Variants in ZZEF1 observed in about 807,000 individuals in gnomAD.
ZZEF1 encodes zinc finger ZZ-type and EF-hand domain-containing protein 1.
Under a neutral mutation model 342.8 loss-of-function variants are expected in ZZEF1, and 157 were observed. The ratio of observed to expected loss-of-function variants is 0.46; its 90% CI spans 0.40 to 0.52. ZZEF1 has a LOEUF of 0.52. Among genes scored for constraint, ZZEF1 ranks in the 20% least tolerant of loss-of-function variants. The pLI is 0.00. For missense variants in ZZEF1, 3,480 were observed against 3,725.6 expected, an observed-to-expected ratio of 0.93 and a Z score of 1.72; for synonymous variants, 1,505 against 1,429.1, an observed-to-expected ratio of 1.05 and a Z score of -1.20.
chr17:4,121,115 T>C (rs1416725976), intron 2 of ZZEF1, among the ~76,000 whole-genome samples: 1 of 152,230 alleles, frequency 6.6e-6, no homozygotes, highest in Non-Finnish European at 1.5e-5. Context: ...CCTTGAGATT[T>C]GGACCCTGAT....
At chr17:4,139,643 G>A (rs2058810117) in intron 1 of ZZEF1, among the ~76,000 whole-genome samples, 1 of 152,150 alleles carries the variant, frequency 6.6e-6, no homozygotes, top group Admixed American at 6.5e-5. Context: ...TATCTTCTTT[G>A]GCTAGTCCTA....
At chr17:4,094,282 C>T (rs565862360) in intron 11 of ZZEF1, among the ~76,000 whole-genome samples, 3 of 152,092 alleles carry the variant, frequency 2.0e-5, no homozygotes, top group Non-Finnish European at 4.4e-5. Flanking sequence ...GCTGGGACTA[C>T]AGGCGCGTGA....
At chr17:4,062,696 G>C in intron 30 of ZZEF1, 57 bp downstream of exon 30, 1 of 1,487,640 alleles carries the variant, frequency 6.7e-7, no homozygotes, top group Non-Finnish European at 9.0e-7. Context: ...AAGATAATCA[G>C]GATTTATTTA....
chr17:4,136,783 C>A (rs144469367), intron 1 of ZZEF1, among the ~76,000 whole-genome samples: 1 of 152,152 alleles, frequency 6.6e-6, no homozygotes, highest in South Asian at 2.1e-4. Context: ...ATTCCCAAAA[C>A]GTGCCATGCC....
intron 31 of ZZEF1, 140 bp downstream of exon 31, chr17:4,059,031 C>T: frequency 3.2e-6 from 2 of 631,112 alleles, no homozygotes; most frequent in Non-Finnish European, 5.0e-6. Context: ...TAGTGATTAG[C>T]TCTCTAGGTG....
chr17:4,130,370 T>C (rs538488992), intron 1 of ZZEF1, among the ~76,000 whole-genome samples: 2 of 152,198 alleles, frequency 1.3e-5, no homozygotes, highest in Non-Finnish European at 2.9e-5. Context: ...GGAGAATCGC[T>C]TGAACCCAGG....
intron 1 of ZZEF1, among the ~76,000 whole-genome samples, chr17:4,132,899 G>A (rs1427427504): frequency 1.3e-5 from 2 of 152,168 alleles, no homozygotes; most frequent in African/African-American, 4.8e-5. Flanking sequence ...CTGGGAGGTG[G>A]AGCTTGCAGT....
intron 1 of ZZEF1, among the ~76,000 whole-genome samples, chr17:4,140,910 CT>C (rs34876417): frequency 0.5 from 70,777 of 141,516 alleles, 19,244 homozygotes; most frequent in East Asian, 0.74. Context: ...ACTAATATGA[CT>C]TTTTTTTTTT....
intron 53 of ZZEF1, chr17:4,009,270 G>A (rs566194931): frequency 1.8e-6 from 1 of 562,236 alleles, no homozygotes; most frequent in East Asian, 3.0e-5. Flanking sequence ...CATTCAATCA[G>A]TCTATTGTGC....
chr17:4,025,372 G>A (rs1488207904), intron 42 of ZZEF1, among the ~76,000 whole-genome samples: 3 of 152,148 alleles, frequency 2.0e-5, no homozygotes, highest in Non-Finnish European at 4.4e-5. Context: ...CTCCACAGGT[G>A]TTAACAAAAG....
intron 52 of ZZEF1, among the ~76,000 whole-genome samples, chr17:4,011,039 G>A (rs899670412): frequency 2.0e-5 from 3 of 151,724 alleles, no homozygotes; most frequent in Admixed American, 6.6e-5. Flanking sequence ...CAGTGGCTAT[G>A]ATGGTGCCAC....
In ZZEF1 at chr17:4,142,946, C is replaced by T. The variant is rs931821432; in HGVS notation, c.-51G>A. 3.1e-6 allele frequency: 4 copies of T among 1,301,498 alleles called. No homozygotes were observed. Among genetic ancestry groups the T allele is most frequent in the South Asian group, 2.3e-5 (1 of 42,602 alleles). The allele number at this position is 1,301,498 out of a possible 1,614,324, so 80.6% of individuals were successfully genotyped here. A position where few individuals can be genotyped will look rare whatever the true frequency, so the allele number is the denominator to read the frequency against. On this transcript the variant is annotated 5_prime_UTR_variant, in exon 1 of 55. Coordinates refer to ENST00000381638, the MANE Select transcript of ZZEF1 (RefSeq NM_015113.4). ...TCTGCAGCCGCCGCCGCCGCCTCCC[C>T]GCCTCGACCTGTCAACCTCCGACAG...
At position 4,017,491 on chromosome 17, in the gene ZZEF1, G is replaced by A. The variant is rs764207571; in HGVS notation, c.7881C>T (p.Leu2627=). ...LYARHVLASL[L]AEWPSHVPVS... is the part of the protein sequence containing the mutation. ...CTGGCACGTGGCTAGGCCACTCGGC[G>A]AGCAGGGATGCAAGCACGTGGCGGG... Residue 2627 remains leucine (L), a synonymous_variant, in exon 48 of 55, where the codon CTC becomes CTT. Transcript: ENST00000381638. This position sits in a 1 kb window ranked among gnomAD's most constrained non-coding sequence, Gnocchi z 5.1. 1.2e-5 allele frequency: 19 copies of A among 1,614,140 alleles called. No individual in the cohort carries two copies. The highest frequency in any genetic ancestry group is 1.6e-4 in the Middle Eastern group (1 of 6,084).
chr17:4,027,995 T>C (rs1429421773), intron 42 of ZZEF1, among the ~76,000 whole-genome samples: 2 of 152,180 alleles, frequency 1.3e-5, no homozygotes, highest in Non-Finnish European at 2.9e-5. Flanking sequence ...ATTTCCACTA[T>C]TGGCTCTTTA....
Position 4,014,738 on chromosome 17 carries a change from G to C in ZZEF1, c.8146-223C>G, listed in dbSNP as rs560599650. Reference sequence around the variant, plus strand: ...GGGGCAGGCAACACGGGGCCCCAGAGAAAGAGTGTCAGGCTGCTGTGAAGA... The same window carrying C: ...GGGGCAGGCAACACGGGGCCCCAGACAAAGAGTGTCAGGCTGCTGTGAAGA... On this transcript the variant is annotated intron_variant, in intron 49 of 54. Transcript: ENST00000381638. The surrounding 1 kb of genome is among the most constrained non-coding windows in gnomAD (Gnocchi z 4.4). 5.9e-5 allele frequency among the ~76,000 whole-genome samples: 9 copies of C among 152,344 alleles called. No homozygotes were observed. In the East Asian group the frequency reaches 1.7e-3, roughly 29 times the overall value.
intron 2 of ZZEF1, among the ~76,000 whole-genome samples, chr17:4,123,268 C>CATATATATATAT (rs60101709): frequency 1.6e-3 from 137 of 85,304 alleles, no homozygotes; most frequent in Non-Finnish European, 2.5e-3. Context: ...TTATCATAAC[C>CATATATATATAT]ATATATATAT....
chr17:4,116,050 T>G (rs2058388574), intron 3 of ZZEF1, among the ~76,000 whole-genome samples: 1 of 152,232 alleles, frequency 6.6e-6, no homozygotes, highest in Non-Finnish European at 1.5e-5. Flanking sequence ...AGCTGGGTGG[T>G]GGCTCACACC....
rs750639680 is a variant in ZZEF1 at position 4,112,597 on chromosome 17, T to C, written c.1066+12A>G. The C allele has an allele frequency of 1.2e-6, 2 of 1,613,862 alleles. No individual in the cohort carries two copies. Among genetic ancestry groups the C allele is most frequent in the African/African-American group, 2.7e-5 (2 of 74,930 alleles). On this transcript the variant is annotated intron_variant, in intron 5 of 54. Coordinates refer to ENST00000381638, the MANE Select transcript of ZZEF1 (RefSeq NM_015113.4). The stretch of plus-strand genomic sequence containing the variant: ...TTGCTTTTCCCTATCCCCTCAGTTC[T>C]GTTGGACTTACAGAGCTGACTGACG...
At chr17:4,088,091 T>G (rs912086519) in intron 13 of ZZEF1, among the ~76,000 whole-genome samples, 2 of 152,096 alleles carry the variant, frequency 1.3e-5, no homozygotes. Flanking sequence ...TGAAGCAGAA[T>G]GGGGATCAAG....
Sources: allele counts gnomAD v4.1 joint callset (sites outside exome capture counted in the v4.1 genomes callset), GRCh38; gene constraint gnomAD v4.1.1; non-coding constraint Gnocchi (gnomAD v3.1); transcripts MANE v1.5; gene names NCBI Gene and HGNC (gene_info 2026-07-23, HGNC 2026-07-21).